The following DTD1 variants were observed in gnomAD, a reference collection of about 807,000 sequenced individuals.
DTD1 encodes D-tyrosyl-tRNA deacylase 1 homolog.
Under a neutral mutation model 25.6 loss-of-function variants are expected in DTD1, and 13 were observed. The observed-to-expected ratio is 0.51, with a 90% confidence interval of 0.33 to 0.81. The LOEUF (loss-of-function observed/expected upper bound fraction) is 0.81. DTD1 is among the 30% of genes least tolerant of loss of function. DTD1 has a pLI of 0.02. For synonymous variants in DTD1, 110 were observed against 103.6 expected, an observed-to-expected ratio of 1.06 and a Z score of -0.37; for missense variants, 193 against 266.4, an observed-to-expected ratio of 0.72 and a Z score of 1.92.
intron 3 of DTD1, among the ~76,000 whole-genome samples, chr20:18,615,557 T>C (rs1306446609): frequency 6.6e-6 from 1 of 152,144 alleles, no homozygotes; most frequent in African/African-American, 2.4e-5. Context: ...ATTGCTTTTA[T>C]AGTTAGAAAA....
chr20:18,759,733 C>A (rs974794336), intron 5 of DTD1, among the ~76,000 whole-genome samples: 1 of 152,266 alleles, frequency 6.6e-6, no homozygotes, highest in East Asian at 1.9e-4. Context: ...TCTTCTCGAG[C>A]AGTATCTTTG....
chr20:18,739,174 G>C lies in DTD1; in HGVS notation c.478-4926G>C, dbSNP rs142957579. On this transcript the variant is annotated intron_variant, in intron 4 of 5. Transcript: ENST00000377452. ...GCCACTTAACTCATTTTGCTTCCTG[G>C]CTGGTCTCTCAAGGCATTTAAGTTT... is the stretch of plus-strand genomic sequence containing the variant. Among the ~76,000 whole-genome samples, 713 of 152,276 alleles carry C rather than the reference G, an allele frequency of 4.7e-3. 4 individuals are homozygous for C. The highest frequency in any genetic ancestry group is 0.016 in the African/African-American group (667 of 41,550).
chr20:18,697,511 G>A (rs964824879), intron 4 of DTD1, among the ~76,000 whole-genome samples: 1 of 152,106 alleles, frequency 6.6e-6, no homozygotes, highest in East Asian at 1.9e-4. Context: ...TGGAATATTT[G>A]CATTATACTT....
chr20:18,740,843 A>G (rs1200652343), intron 4 of DTD1, among the ~76,000 whole-genome samples: 1 of 152,216 alleles, frequency 6.6e-6, no homozygotes, highest in Non-Finnish European at 1.5e-5. Flanking sequence ...AAGAAAGAGC[A>G]TTTTAATACC....
At chr20:18,631,712 C>T in intron 4 of DTD1, 1 of 985,432 alleles carries the variant, frequency 1.0e-6, no homozygotes, top group Non-Finnish European at 1.2e-6. Context: ...GTCATTCTCT[C>T]TGGGTTTTTG....
intron 4 of DTD1, among the ~76,000 whole-genome samples, chr20:18,731,134 C>T (rs568485900): frequency 2.6e-5 from 4 of 152,284 alleles, no homozygotes; most frequent in African/African-American, 9.6e-5. Context: ...ATGTACTGAG[C>T]CTTTCGTTAG....
chr20:18,682,812 A>C (rs1410871301), intron 4 of DTD1, among the ~76,000 whole-genome samples: 1 of 152,246 alleles, frequency 6.6e-6, no homozygotes, highest in Non-Finnish European at 1.5e-5. Flanking sequence ...GGGCATCAAC[A>C]TGTCTGTTTA....
Position 18,679,495 on chromosome 20 carries a change from A to G in DTD1, c.477+51262A>G, listed in dbSNP as rs551490205. Among the ~76,000 whole-genome samples the G allele has an allele frequency of 1.2e-4, 19 of 152,366 alleles. No individual in the cohort carries two copies. The East Asian group carries it at 3.5e-3, about 28-fold the overall frequency. On this transcript the variant is annotated intron_variant, in intron 4 of 5. Coordinates refer to ENST00000377452, the MANE Select transcript of DTD1 (RefSeq NM_080820.6). ...ACAGATATTAAAAGTGAGATTTCAAATAATTACCCTTTCTGGTATGATTTA... is the reference window on the plus strand; with the variant it reads ...ACAGATATTAAAAGTGAGATTTCAAGTAATTACCCTTTCTGGTATGATTTA...
intron 4 of DTD1, among the ~76,000 whole-genome samples, chr20:18,661,476 A>G (rs2060910092): frequency 6.9e-6 from 1 of 145,808 alleles, no homozygotes; most frequent in African/African-American, 2.5e-5. Flanking sequence ...GGTTCATGCC[A>G]TTCTCCTGCC....
intron 4 of DTD1, among the ~76,000 whole-genome samples, chr20:18,724,539 T>C (rs2061216616): frequency 6.6e-6 from 1 of 152,210 alleles, no homozygotes; most frequent in African/African-American, 2.4e-5. Flanking sequence ...GTTTAACTTT[T>C]TAATAACAAA....
At chr20:18,597,358 T>G (rs967536808) in intron 3 of DTD1, among the ~76,000 whole-genome samples, 2 of 152,220 alleles carry the variant, frequency 1.3e-5, no homozygotes, top group African/African-American at 4.8e-5. Flanking sequence ...CTTTTTAAAA[T>G]GACTTTATTA....
intron 4 of DTD1, among the ~76,000 whole-genome samples, chr20:18,725,106 CAG>C (rs146004753): frequency 0.049 from 7,537 of 152,342 alleles, 528 homozygotes; most frequent in African/African-American, 0.16. Flanking sequence ...ACCCTGCAGG[CAG>C]AGAGTAGCAG....
intron 3 of DTD1, among the ~76,000 whole-genome samples, chr20:18,596,621 A>G (rs574612260): frequency 2.6e-5 from 4 of 152,334 alleles, no homozygotes; most frequent in African/African-American, 9.6e-5. Flanking sequence ...AAAAATAAAA[A>G]GAAATAGGTG....
chr20:18,648,384 G>A (rs6045534), intron 4 of DTD1, among the ~76,000 whole-genome samples: 78,128 of 151,994 alleles, frequency 0.51, 20,435 homozygotes, highest in Middle Eastern at 0.57. Flanking sequence ...AGATGGTTGC[G>A]TCTGCAGCTG....
intron 3 of DTD1, among the ~76,000 whole-genome samples, chr20:18,596,885 G>T (rs1276664491): frequency 6.6e-6 from 1 of 152,042 alleles, no homozygotes; most frequent in Non-Finnish European, 1.5e-5. Flanking sequence ...TGGTGCATTT[G>T]TTACAACTGA....
At chr20:18,588,684 C>T in intron 1 of DTD1, 1 of 982,218 alleles carries the variant, frequency 1.0e-6, no homozygotes, top group Non-Finnish European at 1.2e-6. Flanking sequence ...GCGCCCCCTG[C>T]CCAGGACGCC....
chr20:18,729,653 C>A (rs1014724334), intron 4 of DTD1, among the ~76,000 whole-genome samples: 2 of 152,188 alleles, frequency 1.3e-5, no homozygotes, highest in African/African-American at 4.8e-5. Context: ...CACTTCTGTG[C>A]TTTAAAAAAT....
At chr20:18,612,869 G>T (rs978506749) in intron 3 of DTD1, among the ~76,000 whole-genome samples, 2 of 152,120 alleles carry the variant, frequency 1.3e-5, no homozygotes, top group Admixed American at 1.3e-4. Flanking sequence ...ATGTTGGCCA[G>T]GTTGGTCTGG....
At chr20:18,704,021 G>C (rs896898499) in intron 4 of DTD1, among the ~76,000 whole-genome samples, 1 of 140,108 alleles carries the variant, frequency 7.1e-6, no homozygotes, top group African/African-American at 2.8e-5. Context: ...TTTTTTTTGA[G>C]ACGGAGTCTC....
Sources: allele counts gnomAD v4.1 joint callset (sites outside exome capture counted in the v4.1 genomes callset), GRCh38; gene constraint gnomAD v4.1.1; transcripts MANE v1.5; gene names NCBI Gene and HGNC (gene_info 2026-07-23, HGNC 2026-07-21).